KCNQ3: variants seen among roughly 807,000 people sequenced by gnomAD.
The protein encoded by KCNQ3 is potassium voltage-gated channel subfamily Q member 3, also known as potassium voltage-gated channel subfamily KQT member 3.
KCNQ3 carries 30 observed loss-of-function variants against 92.5 expected under a neutral mutation model. The ratio of observed to expected loss-of-function variants is 0.32; its 90% CI spans 0.24 to 0.44. The LOEUF (loss-of-function observed/expected upper bound fraction) is 0.44, where lower values mean the gene tolerates loss of function less well. KCNQ3 is among the 20% of genes least tolerant of loss of function. KCNQ3 has a pLI of 1.00. For missense variants in KCNQ3, 913 were observed against 1,140.3 expected, an observed-to-expected ratio of 0.80 and a Z score of 2.87; for synonymous variants, 450 against 468.8, an observed-to-expected ratio of 0.96 and a Z score of 0.52.
At chr8:132,425,596 C>T (rs538002425) in intron 1 of KCNQ3, among the ~76,000 whole-genome samples, 8 of 152,274 alleles carry the variant, frequency 5.3e-5, no homozygotes, top group South Asian at 2.1e-4. Flanking sequence ...ATAACAGCCA[C>T]GACCCCAAAA....
At chr8:132,464,053 C>T (rs773052883) in intron 1 of KCNQ3, among the ~76,000 whole-genome samples, 2 of 152,166 alleles carry the variant, frequency 1.3e-5, no homozygotes, top group East Asian at 1.9e-4. Flanking sequence ...GGTGTGGTGG[C>T]GGGCGCCTGT....
chr8:132,354,907 T>C (rs1247256536), intron 1 of KCNQ3, among the ~76,000 whole-genome samples: 1 of 152,098 alleles, frequency 6.6e-6, no homozygotes, highest in Non-Finnish European at 1.5e-5. Flanking sequence ...TGGGGATGGG[T>C]TTGAGGGACA....
At chr8:132,148,453 A>C (rs1379216426) in intron 9 of KCNQ3, among the ~76,000 whole-genome samples, 3 of 152,152 alleles carry the variant, frequency 2.0e-5, no homozygotes, top group Non-Finnish European at 4.4e-5. Flanking sequence ...CAAGGCTGGC[A>C]ATTTCTTTAC....
chr8:132,307,070 T>C (rs962507660), intron 1 of KCNQ3, among the ~76,000 whole-genome samples: 1 of 152,230 alleles, frequency 6.6e-6, no homozygotes, highest in African/African-American at 2.4e-5. Flanking sequence ...CACCTAGCTA[T>C]GGAATTCTTT....
intron 1 of KCNQ3, among the ~76,000 whole-genome samples, chr8:132,279,853 C>CTT (rs1554640109): frequency 1.3e-5 from 2 of 150,536 alleles, no homozygotes; most frequent in Non-Finnish European, 3.0e-5. Context: ...TGTATATATG[C>CTT]GTGTGTGTGT....
At chr8:132,179,664 C>A (rs1000088858) in intron 4 of KCNQ3, among the ~76,000 whole-genome samples, 10 of 152,134 alleles carry the variant, frequency 6.6e-5, no homozygotes, top group Non-Finnish European at 1.3e-4. Flanking sequence ...CCTATGAAGT[C>A]AATGCATTAT....
chr8:132,441,906 G>C (rs898178214), intron 1 of KCNQ3, among the ~76,000 whole-genome samples: 1 of 152,180 alleles, frequency 6.6e-6, no homozygotes, highest in Non-Finnish European at 1.5e-5. Context: ...TAAAAAAAAT[G>C]AGATCATGTC....
At chr8:132,207,849 T>C (rs1220593150) in intron 1 of KCNQ3, among the ~76,000 whole-genome samples, 1 of 151,980 alleles carries the variant, frequency 6.6e-6, no homozygotes, top group Non-Finnish European at 1.5e-5. Context: ...TCTAGACTTT[T>C]TTCTTTTCCT....
intron 1 of KCNQ3, among the ~76,000 whole-genome samples, chr8:132,402,736 G>A (rs1349499602): frequency 1.3e-5 from 2 of 152,048 alleles, no homozygotes; most frequent in African/African-American, 4.8e-5. Flanking sequence ...ATAATGTATT[G>A]GCCCGGCGCG....
At chr8:132,319,841 G>A (rs1167737056) in intron 1 of KCNQ3, among the ~76,000 whole-genome samples, 1 of 152,180 alleles carries the variant, frequency 6.6e-6, no homozygotes, top group Non-Finnish European at 1.5e-5. Flanking sequence ...AGCCTATTCA[G>A]GACTATATGA....
intron 1 of KCNQ3, among the ~76,000 whole-genome samples, chr8:132,447,453 C>T (rs760309626): frequency 6.6e-6 from 1 of 151,400 alleles, no homozygotes; most frequent in Non-Finnish European, 1.5e-5. Context: ...TGTGCGTGGG[C>T]CACACAGTGA....
At chr8:132,175,971 C>T (rs995055181) in intron 4 of KCNQ3, among the ~76,000 whole-genome samples, 1 of 152,144 alleles carries the variant, frequency 6.6e-6, no homozygotes, top group Admixed American at 6.5e-5. Flanking sequence ...TGCAGGACTG[C>T]GTAGAGCAAG....
At chr8:132,363,697 G>A (rs1819234888) in intron 1 of KCNQ3, among the ~76,000 whole-genome samples, 1 of 151,782 alleles carries the variant, frequency 6.6e-6, no homozygotes, top group South Asian at 2.1e-4. Context: ...ACTTAGCCTA[G>A]GGCCTGACAG....
chr8:132,247,784 A>G (rs2005161), intron 1 of KCNQ3, among the ~76,000 whole-genome samples: 85,865 of 150,412 alleles, frequency 0.57, 25,325 homozygotes, highest in East Asian at 0.77. Flanking sequence ...GGCAACAAGA[A>G]CAAAACTCCC....
intron 4 of KCNQ3, among the ~76,000 whole-genome samples, chr8:132,179,718 C>T (rs1011455558): frequency 2.6e-5 from 4 of 152,092 alleles, no homozygotes; most frequent in African/African-American, 9.7e-5. Context: ...CAAAAAATTC[C>T]CAACGTCACA....
chr8:132,193,686 A>G (rs756263443), intron 1 of KCNQ3, among the ~76,000 whole-genome samples: 193 of 152,338 alleles, frequency 1.3e-3, no homozygotes, highest in Non-Finnish European at 5.0e-4. Context: ...ATTTTTTCGT[A>G]CATCATTTTC....
chr8:132,172,171 G>A (rs1409172711), intron 7 of KCNQ3, among the ~76,000 whole-genome samples: 1 of 151,808 alleles, frequency 6.6e-6, no homozygotes, highest in Non-Finnish European at 1.5e-5. Flanking sequence ...GGACAAGAGA[G>A]TCTCAAAAAA....
intron 1 of KCNQ3, among the ~76,000 whole-genome samples, chr8:132,380,480 C>T (rs1258579753): frequency 1.3e-5 from 2 of 152,300 alleles, no homozygotes; most frequent in East Asian, 3.9e-4. Context: ...GCAAAACAGC[C>T]CCCGAGACTA....
chr8:132,281,449 T>C (rs1156414303), intron 1 of KCNQ3, among the ~76,000 whole-genome samples: 1 of 152,124 alleles, frequency 6.6e-6, no homozygotes, highest in Non-Finnish European at 1.5e-5. Context: ...ACTTGGAATA[T>C]ATATACACAT....
Sources: gnomAD v4.1 joint callset for allele counts (sites outside exome capture counted in the v4.1 genomes callset) on GRCh38, gnomAD v4.1.1 for gene constraint, MANE v1.5 for transcripts, NCBI Gene and HGNC (gene_info 2026-07-23, HGNC 2026-07-21) for gene names.